Variants in RYR3 observed in about 807,000 individuals in gnomAD.
The protein encoded by RYR3 is brain ryanodine receptor-calcium release channel.
A neutral mutation model predicts 584.3 loss-of-function variants in RYR3; 207 were observed. The observed-to-expected ratio is 0.35, with a 90% CI of 0.32 to 0.40. The LOEUF (loss-of-function observed/expected upper bound fraction) is 0.40. Ranked by LOEUF, RYR3 falls within the 10% of genes least tolerant of loss-of-function variation. RYR3 has a pLI of 1.00. For synonymous variants in RYR3, 2,416 were observed against 2,248.5 expected, an observed-to-expected ratio of 1.07 and a Z score of -2.11; for missense variants, 5,616 against 6,089.2, an observed-to-expected ratio of 0.92 and a Z score of 2.59.
intron 41 of RYR3, among the ~76,000 whole-genome samples, chr15:33,700,055 T>C (rs571886956): frequency 3.2e-4 from 48 of 152,344 alleles, no homozygotes; most frequent in African/African-American, 1.2e-3. Context: ...GGTGACAGTT[T>C]AGTGTTGGCA....
chr15:33,514,115 G>T (rs1038239352), intron 3 of RYR3, among the ~76,000 whole-genome samples: 1 of 152,176 alleles, frequency 6.6e-6, no homozygotes, highest in African/African-American at 2.4e-5. Context: ...GCTGGTTGTG[G>T]TTATTCACCT....
At chr15:33,581,439 G>A (rs965037369) in intron 13 of RYR3, 69 bp from the exon 14 acceptor site, 4 of 1,469,314 alleles carry the variant, frequency 2.7e-6, no homozygotes, top group Non-Finnish European at 3.8e-6. Flanking sequence ...ATACAGGAGG[G>A]GAAAGAGCAT....
chr15:33,834,944 A>C (rs763973848), intron 86 of RYR3, 24 bp from the exon 87 acceptor site: 17 of 1,600,944 alleles, frequency 1.1e-5, no homozygotes, highest in East Asian at 2.2e-5. Flanking sequence ...TTTAAGTGAC[A>C]TAAGAATGTC....
chr15:33,714,223 G>A (rs908739177), intron 43 of RYR3, among the ~76,000 whole-genome samples: 8 of 152,052 alleles, frequency 5.3e-5, no homozygotes, highest in African/African-American at 1.9e-4. Flanking sequence ...GTCAAAAATG[G>A]TGGTATTATT....
chr15:33,606,466 A>G (rs761911246), intron 18 of RYR3, among the ~76,000 whole-genome samples: 1 of 152,210 alleles, frequency 6.6e-6, no homozygotes, highest in Non-Finnish European at 1.5e-5. Context: ...AGAATTCTCA[A>G]AGTGACATCC....
rs757070995 is a variant in RYR3 at position 33,853,546 on chromosome 15, T to G, written c.13672-9T>G. 3 of 1,612,928 alleles carry G rather than the reference T, an allele frequency of 1.9e-6. No homozygotes were observed. The East Asian group carries it at 6.7e-5, about 36-fold the overall frequency. Reference sequence around the variant, plus strand: ...TGGCCTGAGCTCACCCTGTCATCCTTTGCTTCAGGTGATCAACAAGTATGG... The same window carrying G: ...TGGCCTGAGCTCACCCTGTCATCCTGTGCTTCAGGTGATCAACAAGTATGG... On this transcript the variant is annotated splice_polypyrimidine_tract_variant and intron_variant, in intron 95 of 103. Transcript: ENST00000634891.
chr15:33,652,522 C>T (rs1202966483), intron 31 of RYR3, among the ~76,000 whole-genome samples, 196 bp from the exon 32 acceptor site: 1 of 152,150 alleles, frequency 6.6e-6, no homozygotes, highest in African/African-American at 2.4e-5. Flanking sequence ...CACATCCTTA[C>T]TCTGAGTGGT....
At position 33,314,937 on chromosome 15, in the gene RYR3, AAAAC is replaced by A. The variant is rs1468727557; in HGVS notation, c.51+3842_51+3845del. Reference sequence around the variant, plus strand: ...TCAAAGAAAACAAACAACAAAAAAAAAAACCAAAAAAAAACAACAACAACAAAAA... The same window carrying A: ...TCAAAGAAAACAAACAACAAAAAAAACAAAAAAAAACAACAACAACAAAAA... On this transcript the variant is annotated intron_variant, in intron 1 of 103. Coordinates refer to ENST00000634891, the MANE Select transcript of RYR3 (RefSeq NM_001036.6). 7.5e-5 allele frequency among the ~76,000 whole-genome samples: 11 copies of A among 147,584 alleles called. No homozygotes were observed. In the South Asian group the frequency reaches 1.9e-3, roughly 25 times the overall value.
At chr15:33,646,616 C>T in intron 29 of RYR3, 90 bp downstream of exon 29, 2 of 1,172,962 alleles carry the variant, frequency 1.7e-6, no homozygotes, top group African/African-American at 1.5e-5. Context: ...AGCATAGGAA[C>T]TCCACTGATA....
At chr15:33,338,864 A>T (rs914699314) in intron 1 of RYR3, among the ~76,000 whole-genome samples, 4 of 152,330 alleles carry the variant, frequency 2.6e-5, no homozygotes, top group African/African-American at 9.6e-5. Flanking sequence ...GAAAAATACA[A>T]ACTTCGTTTC....
intron 74 of RYR3, among the ~76,000 whole-genome samples, chr15:33,814,191 G>A (rs897919935): frequency 2.6e-5 from 4 of 152,184 alleles, no homozygotes; most frequent in Non-Finnish European, 5.9e-5. Context: ...TCAACATAGG[G>A]AATAGTATCA....
intron 91 of RYR3, 96 bp downstream of exon 91, chr15:33,842,131 T>C: frequency 7.7e-7 from 1 of 1,305,818 alleles, no homozygotes. Context: ...TTTGGTCAGT[T>C]ACACTTCCTC....
chr15:33,691,434 A>G (rs978695570), intron 38 of RYR3, among the ~76,000 whole-genome samples: 49 of 152,334 alleles, frequency 3.2e-4, no homozygotes, highest in African/African-American at 8.4e-4. Context: ...ATTTTTCAAA[A>G]TTCTGATTTT....
rs1273530446 is a variant in RYR3 at position 33,412,899 on chromosome 15, TGAC to T, written c.52-60517_52-60515del. Among the ~76,000 whole-genome samples the T allele has an allele frequency of 1.3e-5, 2 of 151,984 alleles. No individual in the cohort carries two copies. Among genetic ancestry groups the T allele is most frequent in the African/African-American group, 4.8e-5 (2 of 41,264 alleles). On this transcript the variant is annotated intron_variant, in intron 1 of 103. Transcript: ENST00000634891. The surrounding 1 kb of genome is among the most constrained non-coding windows in gnomAD (Gnocchi z 4.3). ...GGGGAAGGCAGCTGGGGTTGAGTGT[TGAC>T]GATGAGAAAAAAATTCTGTTCAAGA...
At chr15:33,541,619 T>C (rs549623027) in intron 7 of RYR3, among the ~76,000 whole-genome samples, 126 of 152,278 alleles carry the variant, frequency 8.3e-4, no homozygotes, top group Middle Eastern at 3.4e-3. Context: ...TTAAAAATAC[T>C]CATCACAGGC....
At chr15:33,726,344 G>C in intron 45 of RYR3, 42 bp from the exon 46 acceptor site, 1 of 1,608,610 alleles carries the variant, frequency 6.2e-7, no homozygotes, top group East Asian at 2.2e-5. Flanking sequence ...GGAGGTGTGG[G>C]AACCTCACTT....
At chr15:33,587,879 C>T (rs2058935750) in intron 16 of RYR3, among the ~76,000 whole-genome samples, 1 of 152,208 alleles carries the variant, frequency 6.6e-6, no homozygotes, top group African/African-American at 2.4e-5. Flanking sequence ...GGAGGCCAGA[C>T]TTCCATTGCA....
At chr15:33,596,987 C>G (rs1467287881) in intron 16 of RYR3, among the ~76,000 whole-genome samples, 2 of 152,054 alleles carry the variant, frequency 1.3e-5, no homozygotes, top group African/African-American at 4.8e-5. Context: ...ACAGTTCTTT[C>G]CCAAAACAAA....
chr15:33,316,212 A>C (rs1968148027), intron 1 of RYR3, among the ~76,000 whole-genome samples: 2 of 152,182 alleles, frequency 1.3e-5, no homozygotes, highest in South Asian at 4.1e-4. Flanking sequence ...AGGCATAGCT[A>C]TCTGTGCTTA....
Sources: gnomAD v4.1 joint callset for allele counts (sites outside exome capture counted in the v4.1 genomes callset) on GRCh38, gnomAD v4.1.1 for gene constraint, Gnocchi (gnomAD v3.1) non-coding constraint, MANE v1.5 for transcripts, NCBI Gene and HGNC (gene_info 2026-07-23, HGNC 2026-07-21) for gene names.